ADAMTS12: variants seen among roughly 807,000 people sequenced by gnomAD.
The protein encoded by ADAMTS12 is A disintegrin and metalloproteinase with thrombospondin motifs 12.
Under a neutral mutation model 167.8 loss-of-function variants are expected in ADAMTS12, and 118 were observed. The ratio of observed to expected loss-of-function variants is 0.70; its 90% confidence interval spans 0.61 to 0.82. The LOEUF is 0.82. ADAMTS12 is among the 40% of genes least tolerant of loss of function. The pLI is 0.00. For synonymous variants in ADAMTS12, 704 were observed against 716.9 expected (o/e 0.98, Z 0.29); for missense variants, 1,916 against 1,998.8 (o/e 0.96, Z 0.79).
At position 33,526,862 on chromosome 5, in the gene ADAMTS12, C is replaced by T. The variant is rs1419446920; in HGVS notation, c.*326G>A. 2 of 219,128 alleles carry T rather than the reference C, an allele frequency of 9.1e-6. No homozygotes were observed. The highest frequency in any genetic ancestry group is 1.8e-5 in the Non-Finnish European group (2 of 111,496). The allele number at this position is 219,128 out of a possible 1,614,324, so 13.6% of individuals were successfully genotyped here. On this transcript the variant is annotated 3_prime_UTR_variant, in exon 24 of 24. Transcript: ENST00000504830. ...AGGTAGTCAGGGAAATAGCTGGTCT[C>T]TTTGTTTTTATCTTTAAGGGAGAAC... is the stretch of plus-strand genomic sequence containing the variant.
chr5:33,822,503 G>A (rs1489306152), intron 2 of ADAMTS12, among the ~76,000 whole-genome samples: 2 of 152,086 alleles, frequency 1.3e-5, no homozygotes, highest in African/African-American at 4.8e-5. Context: ...TTCTCCAAAA[G>A]TTCCTTAATT....
chr5:33,866,696 A>T lies in ADAMTS12; in HGVS notation c.489+14423T>A, dbSNP rs528169448. On this transcript the variant is annotated intron_variant, in intron 2 of 23. Transcript: ENST00000504830. Reference sequence around the variant, plus strand: ...GAGAGACAATATTTGCTAACTATGCATCTAAAAAAGACCAATGTCCAGAAT... The same window carrying T: ...GAGAGACAATATTTGCTAACTATGCTTCTAAAAAAGACCAATGTCCAGAAT... 7.2e-5 allele frequency among the ~76,000 whole-genome samples: 11 copies of T among 152,228 alleles called. No individual in the cohort carries two copies. In the South Asian group the frequency reaches 2.3e-3, roughly 32 times the overall value.
intron 2 of ADAMTS12, among the ~76,000 whole-genome samples, chr5:33,822,320 C>T (rs567306007): frequency 3.3e-4 from 50 of 152,240 alleles, no homozygotes; most frequent in Middle Eastern, 6.8e-3. Flanking sequence ...ACCCTGGGGA[C>T]GTATAATTGC....
In ADAMTS12 at chr5:33,591,321, C is replaced by A. The variant is rs552189792; in HGVS notation, c.2655-2512G>T. 3.2e-4 allele frequency among the ~76,000 whole-genome samples: 48 copies of A among 152,246 alleles called. 1 individual carries two copies. In the South Asian group the frequency reaches 9.6e-3, roughly 30 times the overall value. ...CAGTATATGTTCCAACAGCGCTGAT[C>A]GCCAACAAACCAGGACACGTCACTC... On this transcript the variant is annotated intron_variant, in intron 17 of 23. Coordinates refer to ENST00000504830, the MANE Select transcript of ADAMTS12 (RefSeq NM_030955.4).
At chr5:33,875,633 C>T (rs1167244342) in intron 2 of ADAMTS12, among the ~76,000 whole-genome samples, 1 of 152,062 alleles carries the variant, frequency 6.6e-6, no homozygotes, top group Non-Finnish European at 1.5e-5. Flanking sequence ...TCAAAAAAAG[C>T]TCTCAGAAAA....
intron 3 of ADAMTS12, among the ~76,000 whole-genome samples, chr5:33,723,812 C>T (rs942731922): frequency 2.0e-4 from 30 of 152,318 alleles, no homozygotes; most frequent in African/African-American, 7.2e-4. Context: ...GTTTTTCAAG[C>T]TGAAGCAGTT....
Position 33,765,298 on chromosome 5 carries a change from A to G in ADAMTS12, c.490-13750T>C, listed in dbSNP as rs570700664. ...AGCAGACATTCTCCTGCATAACCAC[A>G]GTTCTGTTACTTCACCTGAGAGAAT... On this transcript the variant is annotated intron_variant, in intron 2 of 23. Coordinates refer to ENST00000504830, the MANE Select transcript of ADAMTS12 (RefSeq NM_030955.4). Among the ~76,000 whole-genome samples, 10 of 152,324 alleles carry G rather than the reference A, an allele frequency of 6.6e-5. No homozygotes were observed. The East Asian group carries it at 1.4e-3, about 21-fold the overall frequency.
At chr5:33,888,472 C>T (rs1261077870) in intron 1 of ADAMTS12, among the ~76,000 whole-genome samples, 1 of 152,164 alleles carries the variant, frequency 6.6e-6, no homozygotes, top group African/African-American at 2.4e-5. Context: ...CACAAAATAT[C>T]AAATCTGTGA....
Position 33,691,118 on chromosome 5 carries a change from T to G in ADAMTS12, c.635-7063A>C, listed in dbSNP as rs1742532869. Among the ~76,000 whole-genome samples, 3 of 152,232 alleles carry G rather than the reference T, an allele frequency of 2.0e-5. No homozygotes were observed. The South Asian group carries it at 6.2e-4, about 31-fold the overall frequency. ...AGTTTCTTTGTCCTCAGTGGTGAGC[T>G]GGCCATTGCTGCAAGTGTTCAAAAA... On this transcript the variant is annotated intron_variant, in intron 3 of 23. Transcript: ENST00000504830.
intron 2 of ADAMTS12, among the ~76,000 whole-genome samples, chr5:33,817,487 T>C (rs1747707558): frequency 6.6e-6 from 1 of 152,168 alleles, no homozygotes; most frequent in South Asian, 2.1e-4. Context: ...TATATTGTTA[T>C]TATGGAAAAT....
chr5:33,586,177 A>G (rs1472563632), intron 18 of ADAMTS12, among the ~76,000 whole-genome samples: 1 of 152,180 alleles, frequency 6.6e-6, no homozygotes, highest in African/African-American at 2.4e-5. Flanking sequence ...AATCTAGATA[A>G]TAAATACTGC....
intron 18 of ADAMTS12, among the ~76,000 whole-genome samples, chr5:33,580,488 C>A (rs1174445110): frequency 6.6e-6 from 1 of 152,150 alleles, no homozygotes; most frequent in East Asian, 1.9e-4. Flanking sequence ...ATGGGGATTA[C>A]AATTTGGATT....
chr5:33,556,261 G>A (rs256639), intron 20 of ADAMTS12, among the ~76,000 whole-genome samples: 40,980 of 152,138 alleles, frequency 0.27, 6,412 homozygotes, highest in East Asian at 0.56. Flanking sequence ...AGGTTATCAT[G>A]CCAGATACAT....
Position 33,596,068 on chromosome 5 carries a change from T to A in ADAMTS12, c.2528-8A>T. Reference sequence around the variant, plus strand: ...CAGTTTGGCGGCGGATACCTGGGGGTCAGACAGAAAGATTCACACATATTG... The same window carrying A: ...CAGTTTGGCGGCGGATACCTGGGGGACAGACAGAAAGATTCACACATATTG... On this transcript the variant is annotated splice_polypyrimidine_tract_variant and splice_region_variant and intron_variant, in intron 16 of 23. Coordinates refer to ENST00000504830, the MANE Select transcript of ADAMTS12 (RefSeq NM_030955.4). 1 of 1,613,408 alleles carries A rather than the reference T, an allele frequency of 6.2e-7. No homozygotes were observed. Among genetic ancestry groups the A allele is most frequent in the South Asian group, 1.1e-5 (1 of 91,030 alleles).
chr5:33,728,295 G>A (rs1490479195), intron 3 of ADAMTS12, among the ~76,000 whole-genome samples: 2 of 152,170 alleles, frequency 1.3e-5, no homozygotes, highest in Non-Finnish European at 1.5e-5. Context: ...AAGTGGAAAG[G>A]GGGAGGGGAA....
At chr5:33,584,667 A>C (rs1246590519) in intron 18 of ADAMTS12, among the ~76,000 whole-genome samples, 1 of 152,216 alleles carries the variant, frequency 6.6e-6, no homozygotes, top group Admixed American at 6.5e-5. Context: ...TATCTTATTC[A>C]ATTCTTACAA....
Position 33,524,797 on chromosome 5 carries a change from G to A in ADAMTS12, c.*2391C>T, listed in dbSNP as rs1427944753. 6.6e-6 allele frequency: 1 copy of A among 152,206 alleles called. No homozygotes were observed. The highest frequency in any genetic ancestry group is 1.5e-5 in the Non-Finnish European group (1 of 68,038). The allele number at this position is 152,206 out of a possible 1,614,324, so 9.4% of individuals were successfully genotyped here. A position where few individuals can be genotyped will look rare whatever the true frequency, so the allele number is the denominator to read the frequency against. The stretch of plus-strand genomic sequence containing the variant: ...TTACAACATAGCTCCAGAACAGGAA[G>A]CAAATATCCATGGCAAATAATTAGG... On this transcript the variant is annotated 3_prime_UTR_variant, in exon 24 of 24. Coordinates refer to ENST00000504830, the MANE Select transcript of ADAMTS12 (RefSeq NM_030955.4).
At chr5:33,614,151 G>C (rs1738867412) in intron 16 of ADAMTS12, 87 bp downstream of exon 16, 6 of 1,509,514 alleles carry the variant, frequency 4.0e-6, no homozygotes, top group Non-Finnish European at 4.5e-6. Context: ...CATGGGCAGA[G>C]AGCACAAAGC....
intron 2 of ADAMTS12, among the ~76,000 whole-genome samples, chr5:33,761,564 C>T (rs1745358788): frequency 6.6e-6 from 1 of 152,194 alleles, no homozygotes; most frequent in East Asian, 1.9e-4. Flanking sequence ...TAAATGAGGA[C>T]ATTAATGAAT....
Sources: gnomAD v4.1 joint callset for allele counts (sites outside exome capture counted in the v4.1 genomes callset) on GRCh38, gnomAD v4.1.1 for gene constraint, MANE v1.5 for transcripts, NCBI Gene and HGNC (gene_info 2026-07-23, HGNC 2026-07-21) for gene names.